SLIT3: variants seen among roughly 807,000 people sequenced by gnomAD.
SLIT3 encodes the protein slit guidance ligand 3.
A neutral mutation model predicts 184.0 loss-of-function variants in SLIT3; 68 were observed. That is an observed-to-expected ratio of 0.37 (90% confidence interval 0.30 to 0.45). The LOEUF is 0.45. SLIT3 is among the 20% of genes least tolerant of loss of function. The pLI is 1.00. For synonymous variants in SLIT3, 831 were observed against 828.6 expected (o/e 1.00, Z -0.05); for missense variants, 1,707 against 2,026.0 (o/e 0.84, Z 3.02).
Position 169,088,395 on chromosome 5 carries a change from C to G in SLIT3, c.413+105084G>C, listed in dbSNP as rs1044464411. ...CTCCCCTGTCAAAGTTCTTTTTCTTCGATTTTTTTTTTTTTTTTTGCCACA... is the reference window on the plus strand; with the variant it reads ...CTCCCCTGTCAAAGTTCTTTTTCTTGGATTTTTTTTTTTTTTTTTGCCACA... On this transcript the variant is annotated intron_variant, in intron 4 of 35. Coordinates refer to ENST00000519560, the MANE Select transcript of SLIT3 (RefSeq NM_003062.4). Among the ~76,000 whole-genome samples, 635 of 148,534 alleles carry G rather than the reference C, an allele frequency of 4.3e-3. 2 individuals are homozygous for G. The highest frequency in any genetic ancestry group is 0.015 in the African/African-American group (612 of 39,882).
intron 4 of SLIT3, among the ~76,000 whole-genome samples, chr5:169,082,280 A>G (rs1207212085): frequency 6.6e-6 from 1 of 152,184 alleles, no homozygotes; most frequent in Admixed American, 6.5e-5. Context: ...ACTCACAGAC[A>G]TTGAAGACAC....
At chr5:168,838,672 A>G (rs536186190) in intron 6 of SLIT3, among the ~76,000 whole-genome samples, 15 of 152,218 alleles carry the variant, frequency 9.9e-5, no homozygotes, top group Admixed American at 5.9e-4. Flanking sequence ...ACCCCGCTCT[A>G]GGAGAGTGAG....
At chr5:169,239,066 T>C (rs1765302941) in intron 3 of SLIT3, among the ~76,000 whole-genome samples, 1 of 152,170 alleles carries the variant, frequency 6.6e-6, no homozygotes, top group Non-Finnish European at 1.5e-5. Context: ...GAATTACTGC[T>C]CCAAATAATT....
intron 35 of SLIT3, among the ~76,000 whole-genome samples, chr5:168,667,918 G>C: frequency 6.6e-6 from 1 of 152,180 alleles, no homozygotes; most frequent in Non-Finnish European, 1.5e-5. Context: ...GCTAATGACT[G>C]GGGTGAAGGG....
chr5:168,666,821 C>G, intron 35 of SLIT3, 132 bp from the exon 36 acceptor site: 1 of 1,410,338 alleles, frequency 7.1e-7, no homozygotes, highest in Non-Finnish European at 9.7e-7. Context: ...ATCCATCTGC[C>G]TACCCTCCCC....
rs2113253710 is a variant in SLIT3 at position 168,692,678 on chromosome 5, A to G, written c.3105T>C (p.Ile1035=). 2 of 1,614,036 alleles carry G rather than the reference A, an allele frequency of 1.2e-6. 1 individual carries two copies. Among genetic ancestry groups the G allele is most frequent in the South Asian group, 2.2e-5 (2 of 91,056 alleles). The stretch of plus-strand genomic sequence containing the variant: ...GGTTCAGCTCAGGCACACAGTGGTC[A>G]ATCACCTCGTCGCATAGCTCACCTG... The part of the protein sequence containing the change: ...NYTGELCDEV[I]DHCVPELNLC... The change falls in exon 29 of 36, where the codon ATT becomes ATC. Residue 1035 remains isoleucine (I), a synonymous_variant. Coordinates refer to ENST00000519560, the MANE Select transcript of SLIT3 (RefSeq NM_003062.4).
At chr5:168,776,808 T>G (rs1246585857) in intron 12 of SLIT3, among the ~76,000 whole-genome samples, 1 of 152,150 alleles carries the variant, frequency 6.6e-6, no homozygotes, top group East Asian at 1.9e-4. Flanking sequence ...GGCTCAGGAA[T>G]GGACCCTTCA....
intron 4 of SLIT3, among the ~76,000 whole-genome samples, chr5:168,953,015 G>C (rs1281256931): frequency 6.6e-6 from 1 of 152,180 alleles, no homozygotes; most frequent in Non-Finnish European, 1.5e-5. Context: ...GGGTCGGGGA[G>C]ACCAGACATC....
chr5:169,232,949 T>A (rs1441222577), intron 3 of SLIT3, among the ~76,000 whole-genome samples: 1 of 152,228 alleles, frequency 6.6e-6, no homozygotes, highest in Non-Finnish European at 1.5e-5. Flanking sequence ...TTTAATTTCT[T>A]CCAGTAATGT....
intron 4 of SLIT3, among the ~76,000 whole-genome samples, chr5:169,072,169 G>C (rs1758574618): frequency 6.6e-6 from 1 of 152,208 alleles, no homozygotes; most frequent in Non-Finnish European, 1.5e-5. Flanking sequence ...ATGGGGGTAT[G>C]GTGGTGATGG....
chr5:169,142,425 T>C (rs957899029), intron 4 of SLIT3, among the ~76,000 whole-genome samples: 23 of 152,290 alleles, frequency 1.5e-4, no homozygotes, highest in African/African-American at 4.6e-4. Flanking sequence ...AATCAGCTTC[T>C]CTCGTCTTCC....
chr5:169,022,744 A>G (rs941330821), intron 4 of SLIT3: 12 of 152,152 alleles, frequency 7.9e-5, no homozygotes, highest in African/African-American at 2.4e-5. Flanking sequence ...ATGGTTTTAG[A>G]TGAAACTCTG....
At chr5:168,763,293 G>T (rs1369303875) in intron 14 of SLIT3, among the ~76,000 whole-genome samples, 1 of 152,108 alleles carries the variant, frequency 6.6e-6, no homozygotes, top group African/African-American at 2.4e-5. Context: ...GGAAGACAAC[G>T]AGGGTTGGGA....
intron 3 of SLIT3, among the ~76,000 whole-genome samples, chr5:169,227,441 G>GT (rs1463908423): frequency 3.3e-5 from 5 of 152,062 alleles, no homozygotes; most frequent in African/African-American, 1.2e-4. Flanking sequence ...TCATTATTAT[G>GT]TTTTTTTAGA....
chr5:169,047,944 C>T (rs751401025), intron 4 of SLIT3, among the ~76,000 whole-genome samples: 2 of 151,570 alleles, frequency 1.3e-5, no homozygotes, highest in African/African-American at 4.9e-5. Flanking sequence ...TAGCATGGTG[C>T]CACAAGCATC....
chr5:169,070,942 A>T (rs1239426198), intron 4 of SLIT3, among the ~76,000 whole-genome samples: 2 of 152,162 alleles, frequency 1.3e-5, no homozygotes, highest in Non-Finnish European at 2.9e-5. Context: ...CCTTAAAAGG[A>T]AGCATCCATA....
At chr5:169,254,808 C>T (rs1057037837) in intron 1 of SLIT3, among the ~76,000 whole-genome samples, 4 of 152,334 alleles carry the variant, frequency 2.6e-5, no homozygotes, top group Admixed American at 6.5e-5. Context: ...AGGTCAGGCA[C>T]ATTAGGTGCA....
intron 4 of SLIT3, among the ~76,000 whole-genome samples, chr5:169,185,324 G>GA (rs1365913264): frequency 1.3e-5 from 2 of 152,158 alleles, no homozygotes; most frequent in Non-Finnish European, 2.9e-5. Context: ...CTGTGTCCCT[G>GA]AAAAAACGTG....
chr5:168,968,397 C>T (rs9791017), intron 4 of SLIT3, among the ~76,000 whole-genome samples: 4 of 152,252 alleles, frequency 2.6e-5, no homozygotes, highest in East Asian at 3.9e-4. Context: ...AGCAGAGAGA[C>T]GAATCCCATC....
Sources: gnomAD v4.1 joint callset for allele counts (sites outside exome capture counted in the v4.1 genomes callset) on GRCh38, gnomAD v4.1.1 for gene constraint, MANE v1.5 for transcripts, NCBI Gene and HGNC (gene_info 2026-07-23, HGNC 2026-07-21) for gene names.